TRIML2: variants seen among roughly 807,000 people sequenced by gnomAD.
TRIML2 encodes probable E3 ubiquitin-protein ligase TRIML2.
A neutral mutation model predicts 31.2 loss-of-function variants in TRIML2; 28 were observed. The ratio of observed to expected loss-of-function variants is 0.90; its 90% CI spans 0.66 to 1.23. The LOEUF (loss-of-function observed/expected upper bound fraction) is 1.23. TRIML2 is among the 50% of genes most tolerant of loss of function. TRIML2 has a pLI of 0.00. For synonymous variants in TRIML2, 187 were observed against 197.5 expected (o/e 0.95, Z 0.45); for missense variants, 536 against 528.3 (o/e 1.01, Z -0.14).
intron 4 of TRIML2, 32 bp downstream of exon 4, chr4:188,101,024 C>G: frequency 6.5e-7 from 1 of 1,544,688 alleles, no homozygotes; most frequent in African/African-American, 1.4e-5. Flanking sequence ...TCTCATTTCT[C>G]AAATATGAGG....
intron 3 of TRIML2, among the ~76,000 whole-genome samples, chr4:188,102,500 G>C (rs1193984614): frequency 6.6e-6 from 1 of 152,060 alleles, no homozygotes; most frequent in Non-Finnish European, 1.5e-5. Context: ...CTGAGCTAGG[G>C]ATATATATTT....
At chr4:188,107,399 A>G (rs1044475205) in intron 1 of TRIML2, among the ~76,000 whole-genome samples, 1 of 152,214 alleles carries the variant, frequency 6.6e-6, no homozygotes, top group Non-Finnish European at 1.5e-5. Context: ...CATAAACAAA[A>G]GCTTATTGGG....
chr4:188,104,133 G>GA (rs1272852660), intron 3 of TRIML2, among the ~76,000 whole-genome samples: 3 of 152,102 alleles, frequency 2.0e-5, no homozygotes, highest in African/African-American at 7.2e-5. Flanking sequence ...AGAAGTACAA[G>GA]AGATGCTCAT....
chr4:188,092,336 C>T (rs1733303148), intron 7 of TRIML2, among the ~76,000 whole-genome samples: 1 of 152,052 alleles, frequency 6.6e-6, no homozygotes, highest in Non-Finnish European at 1.5e-5. Context: ...GTGGCAGGCG[C>T]CTGTAATCCC....
chr4:188,101,212 C>T lies in TRIML2; in HGVS notation c.324G>A (p.Glu108=), dbSNP rs369006819. ...TCAACAACCGGAGTCTCATACTATA[C>T]TCAGACTCAATCATCTTTTTAAAAT... ...EQNFKKMIES[E]YSMRLRLLNE... is the part of the protein sequence containing the mutation. The change falls in exon 4 of 8, where the codon GAG becomes GAA. Residue 108 remains glutamate (E), a synonymous_variant. Transcript: ENST00000682553. The T allele has an allele frequency of 2.4e-5, 38 of 1,612,642 alleles. No homozygotes were observed. In the Admixed American group the frequency reaches 3.3e-4, roughly 14 times the overall value.
At chr4:188,104,638 C>T (rs1461734258) in intron 3 of TRIML2, among the ~76,000 whole-genome samples, 199 bp downstream of exon 3, 1 of 152,196 alleles carries the variant, frequency 6.6e-6, no homozygotes, top group African/African-American at 2.4e-5. Flanking sequence ...GCTGGGATTA[C>T]AGGCGTGAGC....
intron 3 of TRIML2, among the ~76,000 whole-genome samples, chr4:188,103,746 C>A (rs927246395): frequency 6.6e-6 from 1 of 152,154 alleles, no homozygotes; most frequent in Admixed American, 6.6e-5. Flanking sequence ...GCAAGTTCCA[C>A]GAAAGCAGAG....
chr4:188,092,801 G>C (rs1334755411), intron 7 of TRIML2: 1 of 455,154 alleles, frequency 2.2e-6, no homozygotes, highest in Non-Finnish European at 4.4e-6. Context: ...AGAACACGCA[G>C]GCTCAATGAA....
At chr4:188,094,884 C>T (rs897798356) in intron 7 of TRIML2, among the ~76,000 whole-genome samples, 3 of 152,172 alleles carry the variant, frequency 2.0e-5, no homozygotes, top group African/African-American at 7.2e-5. Flanking sequence ...AGACTTCCTA[C>T]AGAGTTATCA....
intron 1 of TRIML2, among the ~76,000 whole-genome samples, chr4:188,107,276 T>C (rs932450980): frequency 6.6e-6 from 1 of 152,202 alleles, no homozygotes; most frequent in African/African-American, 2.4e-5. Flanking sequence ...TCAGCCTCAG[T>C]GCTGGGATTA....
Position 188,103,816 on chromosome 4 carries a change from A to G in TRIML2, c.285+1021T>C, listed in dbSNP as rs771949427. ...GCACCTTGCATAGTCCCTGGCAAAC[A>G]GTGGGATCTCAGTATTTGCTGAACA... On this transcript the variant is annotated intron_variant, in intron 3 of 7. Coordinates refer to ENST00000682553, the MANE Select transcript of TRIML2 (RefSeq NM_173553.4). Among the ~76,000 whole-genome samples the G allele has an allele frequency of 3.9e-5, 6 of 152,284 alleles. No individual in the cohort carries two copies. In the East Asian group the frequency reaches 5.8e-4, roughly 15 times the overall value.
At chr4:188,098,742 C>CTTTATGAAAT (rs1560950321) in intron 5 of TRIML2, 4 of 337,054 alleles carry the variant, frequency 1.2e-5, no homozygotes, top group Non-Finnish European at 2.2e-5. Flanking sequence ...TCTTTATGAT[C>CTTTATGAAAT]ACAGAATATT....
In TRIML2 at chr4:188,105,228, G is replaced by T. The variant is rs1311779491; in HGVS notation, c.141C>A (p.His47Gln). Reference sequence around the variant, plus strand: ...GTATCCCACACACCATGTGATGTTTGTGCTCCTGGGACTGGAAGCATTTGC... The same window carrying T: ...GTATCCCACACACCATGTGATGTTTTTGCTCCTGGGACTGGAAGCATTTGC... ...LCSKCFQSQE[H>Q]KHHMVCGIQE... is the part of the protein sequence containing the mutation. Residue 47 changes from histidine (H) to glutamine (Q), a missense_variant, in exon 2 of 8, where the codon CAC (histidine) becomes CAA (glutamine). Coordinates refer to ENST00000682553, the MANE Select transcript of TRIML2 (RefSeq NM_173553.4). 1 of 1,611,234 alleles carries T rather than the reference G, an allele frequency of 6.2e-7. No individual in the cohort carries two copies. The highest frequency in any genetic ancestry group is 8.5e-7 in the Non-Finnish European group (1 of 1,177,550).
chr4:188,094,091 A>AAAAAAC (rs750746687), intron 7 of TRIML2, among the ~76,000 whole-genome samples: 5,967 of 136,760 alleles, frequency 0.044, 212 homozygotes, highest in Admixed American at 0.057. Flanking sequence ...ACAGCATCTC[A>AAAAAAC]AAAAACAAAA....
chr4:188,095,156 A>G (rs767926067), intron 7 of TRIML2, among the ~76,000 whole-genome samples: 1 of 152,228 alleles, frequency 6.6e-6, no homozygotes, highest in Non-Finnish European at 1.5e-5. Context: ...TCAGTGGTTC[A>G]TAGGCCACAA....
chr4:188,094,226 A>G (rs1423163475), intron 7 of TRIML2, among the ~76,000 whole-genome samples: 1 of 152,248 alleles, frequency 6.6e-6, no homozygotes, highest in Non-Finnish European at 1.5e-5. Flanking sequence ...AGAATAAGCA[A>G]GTGTCCACTC....
intron 7 of TRIML2, among the ~76,000 whole-genome samples, chr4:188,094,043 G>C (rs181244440): frequency 3.3e-5 from 5 of 151,004 alleles, no homozygotes; most frequent in East Asian, 2.0e-4. Flanking sequence ...GTGAGCTGAG[G>C]CTTCGCCATT....
chr4:188,097,992 G>A (rs1344941205), intron 5 of TRIML2, among the ~76,000 whole-genome samples: 3 of 151,852 alleles, frequency 2.0e-5, no homozygotes, highest in East Asian at 3.9e-4. Context: ...CATGGTGGTG[G>A]GCGCCTGTAA....
rs79698746 is a variant in TRIML2 at position 188,101,170 on chromosome 4, C to T, written c.366G>A (p.Gln122=). The stretch of plus-strand genomic sequence containing the variant: ...TGCATTCCTGCTGTCTCTGGAGATT[C>T]TGCTCACACTCTTCATTCAACAACC... ...RLRLLNEECE[Q]NLQRQQECIS... Residue 122 remains glutamine (Q), a synonymous_variant, in exon 4 of 8, where the codon CAG becomes CAA. Transcript: ENST00000682553. 0.077 allele frequency: 124,046 copies of T among 1,613,256 alleles called. 10,732 individuals are homozygous for T. Among genetic ancestry groups the T allele is most frequent in the East Asian group, 0.53 (23,523 of 44,800 alleles).
Sources: allele counts gnomAD v4.1 joint callset (sites outside exome capture counted in the v4.1 genomes callset), GRCh38; gene constraint gnomAD v4.1.1; transcripts MANE v1.5; gene names NCBI Gene and HGNC (gene_info 2026-07-23, HGNC 2026-07-21).